SLC24A3: variants seen among roughly 807,000 people sequenced by gnomAD.
The protein encoded by SLC24A3 is sodium/potassium/calcium exchanger 3.
SLC24A3 carries 28 observed loss-of-function variants against 75.8 expected under a neutral mutation model. That is an observed-to-expected ratio of 0.37 (90% CI 0.27 to 0.51). The LOEUF (loss-of-function observed/expected upper bound fraction) is 0.51. SLC24A3 is among the 20% of genes least tolerant of loss of function. SLC24A3 has a pLI of 0.94. For missense variants in SLC24A3, 663 were observed against 847.8 expected (o/e 0.78, Z 2.71); for synonymous variants, 372 against 334.1 (o/e 1.11, Z -1.24).
intron 10 of SLC24A3, among the ~76,000 whole-genome samples, chr20:19,683,903 TGGAAAGAAGGAAGGAAAGAAGGAATAA>T (rs1433859758): frequency 3.3e-5 from 5 of 151,996 alleles, no homozygotes; most frequent in African/African-American, 1.2e-4. Context: ...GCTGGATGAA[TGGAAAGAAGGAAGGAAAGAAGGAATAA>T]GGAAAGAAGA....
At chr20:19,689,751 G>A (rs1487063412) in intron 12 of SLC24A3, among the ~76,000 whole-genome samples, 1 of 152,168 alleles carries the variant, frequency 6.6e-6, no homozygotes, top group Non-Finnish European at 1.5e-5. Flanking sequence ...TTAAGGGCTG[G>A]GCGTGGTGGC....
At chr20:19,686,473 G>A (rs924033690) in intron 12 of SLC24A3, among the ~76,000 whole-genome samples, 9 of 152,216 alleles carry the variant, frequency 5.9e-5, no homozygotes, top group Admixed American at 1.3e-4. Context: ...GGCTGTTTCA[G>A]GGAAGAGTAC....
At chr20:19,395,186 G>C (rs957026879) in intron 2 of SLC24A3, among the ~76,000 whole-genome samples, 9 of 152,142 alleles carry the variant, frequency 5.9e-5, no homozygotes, top group Non-Finnish European at 1.2e-4. Flanking sequence ...GGTACTGGGG[G>C]GAGAAATAAG....
chr20:19,237,205 C>G (rs1235013033), intron 1 of SLC24A3, among the ~76,000 whole-genome samples: 2 of 152,132 alleles, frequency 1.3e-5, no homozygotes, highest in African/African-American at 2.4e-5. Context: ...TTCTGAAGTT[C>G]CTTCTGCCAT....
At position 19,423,177 on chromosome 20, in the gene SLC24A3, G is replaced by T. The variant is rs6136724; in HGVS notation, c.272-92311G>T. On this transcript the variant is annotated intron_variant, in intron 2 of 16. Transcript: ENST00000328041. ...TTCAGTGTTCTGGGCCACAACTAAG[G>T]TGCTTTAGCAGAACAGGGAATGTTC... is the stretch of plus-strand genomic sequence containing the variant. Among the ~76,000 whole-genome samples the T allele has an allele frequency of 0.029, 4,374 of 152,276 alleles. 406 individuals carry two copies. In the East Asian group the frequency reaches 0.38, roughly 13 times the overall value.
intron 2 of SLC24A3, among the ~76,000 whole-genome samples, chr20:19,503,130 C>G (rs1283104108): frequency 2.0e-5 from 3 of 151,808 alleles, no homozygotes; most frequent in Admixed American, 2.0e-4. Context: ...CTGCCATCTA[C>G]AAGGCAGCAC....
intron 3 of SLC24A3, among the ~76,000 whole-genome samples, chr20:19,524,265 T>TA (rs1407569335): frequency 5.3e-5 from 8 of 152,174 alleles, no homozygotes; most frequent in Admixed American, 4.6e-4. Context: ...ACAGCCTCCA[T>TA]AGATGTCACC....
chr20:19,522,384 A>T (rs541213912), intron 3 of SLC24A3, among the ~76,000 whole-genome samples: 1 of 152,208 alleles, frequency 6.6e-6, no homozygotes, highest in Non-Finnish European at 1.5e-5. Context: ...CAGGCTTACC[A>T]AAACAAGGGA....
intron 1 of SLC24A3, among the ~76,000 whole-genome samples, chr20:19,256,459 C>T (rs1003151856): frequency 2.6e-5 from 4 of 152,226 alleles, no homozygotes; most frequent in East Asian, 1.9e-4. Context: ...TAATTGTACA[C>T]GTTACATGGG....
intron 3 of SLC24A3, among the ~76,000 whole-genome samples, chr20:19,526,783 T>A (rs574017705): frequency 6.6e-6 from 1 of 152,292 alleles, no homozygotes; most frequent in Admixed American, 6.5e-5. Context: ...TTATTTTCCT[T>A]CTGTCTATCT....
intron 3 of SLC24A3, among the ~76,000 whole-genome samples, chr20:19,541,437 T>C (rs537522312): frequency 6.6e-6 from 1 of 152,296 alleles, no homozygotes; most frequent in African/African-American, 2.4e-5. Context: ...CTGCAAGCCC[T>C]CTGTATTAGC....
At chr20:19,462,038 G>T (rs914683881) in intron 2 of SLC24A3, among the ~76,000 whole-genome samples, 4 of 152,134 alleles carry the variant, frequency 2.6e-5, no homozygotes, top group African/African-American at 9.7e-5. Context: ...TAGGTTCAGG[G>T]AGTCCGTGTA....
intron 3 of SLC24A3, among the ~76,000 whole-genome samples, chr20:19,530,523 G>A (rs1193221069): frequency 5.9e-5 from 9 of 152,190 alleles, no homozygotes; most frequent in Admixed American, 3.9e-4. Flanking sequence ...CCAGCTCTAC[G>A]ACCTTCAATA....
rs1333528038 is a variant in SLC24A3, at chr20:19,346,089, A to G, written c.271+65002A>G. ...TATATATATATATATATATATATAT[A>G]TATATATATATATATATATGGTGTG... On this transcript the variant is annotated intron_variant, in intron 2 of 16. Coordinates refer to ENST00000328041, the MANE Select transcript of SLC24A3 (RefSeq NM_020689.4). 2.7e-4 allele frequency among the ~76,000 whole-genome samples: 19 copies of G among 71,322 alleles called. 3 individuals carry two copies. The highest frequency in any genetic ancestry group is 1.8e-3 in the African/African-American group (15 of 8,274). The allele number at this position is 71,322 out of a possible 152,430, so 46.8% of individuals were successfully genotyped here. A position where few individuals can be genotyped will look rare whatever the true frequency, so the allele number is the denominator to read the frequency against.
intron 2 of SLC24A3, among the ~76,000 whole-genome samples, chr20:19,464,221 T>A (rs1043897105): frequency 6.6e-6 from 1 of 152,222 alleles, no homozygotes; most frequent in Non-Finnish European, 1.5e-5. Flanking sequence ...AGTGTCTGGC[T>A]CAGCCACTCC....
At chr20:19,368,013 T>A (rs558221497) in intron 2 of SLC24A3, among the ~76,000 whole-genome samples, 1 of 152,350 alleles carries the variant, frequency 6.6e-6, no homozygotes, top group Non-Finnish European at 1.5e-5. Flanking sequence ...TCTCTTGGAA[T>A]AGATGGTAGT....
intron 2 of SLC24A3, among the ~76,000 whole-genome samples, chr20:19,290,953 C>A (rs1444410183): frequency 6.6e-6 from 1 of 152,154 alleles, no homozygotes; most frequent in Non-Finnish European, 1.5e-5. Flanking sequence ...GCTTTCTTGC[C>A]CTGGGAAACA....
intron 6 of SLC24A3, among the ~76,000 whole-genome samples, chr20:19,586,633 G>C (rs939195292): frequency 7.2e-5 from 11 of 152,240 alleles, no homozygotes; most frequent in African/African-American, 2.4e-4. Context: ...GGATACCCCG[G>C]GTCCACCATT....
intron 1 of SLC24A3, among the ~76,000 whole-genome samples, chr20:19,266,856 T>C (rs555945084): frequency 1.2e-4 from 18 of 152,292 alleles, no homozygotes; most frequent in Middle Eastern, 3.4e-3. Context: ...GTTTAAGAAA[T>C]ATTGTAATAT....
Sources: allele counts gnomAD v4.1 joint callset (sites outside exome capture counted in the v4.1 genomes callset), GRCh38; gene constraint gnomAD v4.1.1; transcripts MANE v1.5; gene names NCBI Gene and HGNC (gene_info 2026-07-23, HGNC 2026-07-21).